The following DSCAM variants were observed in gnomAD, a reference collection of about 807,000 sequenced individuals.
The protein encoded by DSCAM is cell adhesion molecule DSCAM.
Under a neutral mutation model 217.7 loss-of-function variants are expected in DSCAM, and 47 were observed. That is an observed-to-expected ratio of 0.22 (90% CI 0.17 to 0.28). The LOEUF (loss-of-function observed/expected upper bound fraction) is 0.28. DSCAM is among the 10% of genes least tolerant of loss of function. The pLI is 1.00. For missense variants in DSCAM, 2,080 were observed against 2,618.3 expected (o/e 0.79, Z 4.49); for synonymous variants, 1,056 against 1,015.3 (o/e 1.04, Z -0.76).
intron 11 of DSCAM, among the ~76,000 whole-genome samples, chr21:40,245,523 C>T (rs1412806662): frequency 6.6e-6 from 1 of 152,164 alleles, no homozygotes; most frequent in Non-Finnish European, 1.5e-5. Flanking sequence ...TGCACCTCTC[C>T]CTGAAGGGAG....
Position 40,533,748 on chromosome 21 carries a change from C to CCCAT in DSCAM, c.508+159058_508+159061dup, listed in dbSNP as rs567984448. Among the ~76,000 whole-genome samples the CCCAT allele has an allele frequency of 4.5e-3, 529 of 116,376 alleles. 3 individuals are homozygous for CCCAT. Among genetic ancestry groups the CCCAT allele is most frequent in the African/African-American group, 0.015 (483 of 31,546 alleles). 76.3% of individuals were successfully genotyped at this position (116,376 alleles called of 152,430 possible). A position where few individuals can be genotyped will look rare whatever the true frequency, so the allele number is the denominator to read the frequency against. Reference sequence around the variant, plus strand: ...ACCCACCCATCTATCCATCCATCCACCCATCCATCCATCCATCCATCCTTC... The same window carrying CCCAT: ...ACCCACCCATCTATCCATCCATCCACCCATCCATCCATCCATCCATCCATCCTTC... On this transcript the variant is annotated intron_variant, in intron 3 of 32. Coordinates refer to ENST00000400454, the MANE Select transcript of DSCAM (RefSeq NM_001389.5).
At chr21:40,759,967 AT>A (rs2091314476) in intron 1 of DSCAM, among the ~76,000 whole-genome samples, 1 of 13,438 alleles carries the variant, frequency 7.4e-5, no homozygotes, top group Non-Finnish European at 1.3e-4. Context: ...ACATTTATTT[AT>A]TTATTTATTT....
At chr21:40,414,418 A>C (rs1335848899) in intron 3 of DSCAM, among the ~76,000 whole-genome samples, 1 of 152,216 alleles carries the variant, frequency 6.6e-6, no homozygotes, top group African/African-American at 2.4e-5. Flanking sequence ...GTAAAGTAAA[A>C]CCACAATGAG....
chr21:40,545,968 C>A (rs906924730), intron 3 of DSCAM, among the ~76,000 whole-genome samples: 1 of 152,158 alleles, frequency 6.6e-6, no homozygotes, highest in Non-Finnish European at 1.5e-5. Flanking sequence ...CCTTGGCGAG[C>A]CTTTGTTCCC....
intron 32 of DSCAM, among the ~76,000 whole-genome samples, chr21:40,040,133 C>G (rs2088717453): frequency 6.6e-6 from 1 of 152,166 alleles, no homozygotes; most frequent in Non-Finnish European, 1.5e-5. Flanking sequence ...TAAAGCATAT[C>G]AGATGTTCAG....
chr21:40,258,375 T>C (rs1188697315), intron 11 of DSCAM, among the ~76,000 whole-genome samples: 1 of 152,198 alleles, frequency 6.6e-6, no homozygotes, highest in Non-Finnish European at 1.5e-5. Flanking sequence ...CCAAGCTGAA[T>C]GTCCAACTAA....
At chr21:40,262,033 C>A (rs986494136) in intron 11 of DSCAM, among the ~76,000 whole-genome samples, 12 of 152,196 alleles carry the variant, frequency 7.9e-5, no homozygotes, top group Admixed American at 5.9e-4. Context: ...TTCCCTCCCT[C>A]CCTCTCTCTC....
At chr21:40,554,196 GTTTT>G (rs113016250) in intron 3 of DSCAM, among the ~76,000 whole-genome samples, 8 of 132,596 alleles carry the variant, frequency 6.0e-5, no homozygotes, top group South Asian at 2.5e-4. Flanking sequence ...TTGATTGTTA[GTTTT>G]TTTTTTTTTT....
At chr21:40,239,372 T>C (rs2073118427) in intron 11 of DSCAM, among the ~76,000 whole-genome samples, 1 of 152,142 alleles carries the variant, frequency 6.6e-6, no homozygotes, top group African/African-American at 2.4e-5. Flanking sequence ...GATAGAGAAG[T>C]AGGCCTGTTT....
At chr21:40,574,678 C>G (rs9977467) in intron 3 of DSCAM, among the ~76,000 whole-genome samples, 77,641 of 150,284 alleles carry the variant, frequency 0.52, 20,892 homozygotes, top group East Asian at 0.6. Context: ...CAAACAATGT[C>G]AAAAAAGAGA....
chr21:40,781,301 T>G (rs1357367756), intron 1 of DSCAM, among the ~76,000 whole-genome samples: 3 of 152,212 alleles, frequency 2.0e-5, no homozygotes, highest in Non-Finnish European at 4.4e-5. Context: ...ATTACAAGCA[T>G]GAGCCACCGT....
intron 21 of DSCAM, among the ~76,000 whole-genome samples, chr21:40,089,956 T>C (rs2089584775): frequency 6.6e-6 from 1 of 152,194 alleles, no homozygotes; most frequent in African/African-American, 2.4e-5. Context: ...CAGCACTCCC[T>C]GCTGGTCTTA....
At chr21:40,391,152 C>T (rs1019732945) in intron 3 of DSCAM, among the ~76,000 whole-genome samples, 3 of 152,300 alleles carry the variant, frequency 2.0e-5, no homozygotes, top group Admixed American at 6.5e-5. Flanking sequence ...CCAGCAAATG[C>T]TGCAATATAA....
chr21:40,356,230 T>G (rs998139769), intron 4 of DSCAM, among the ~76,000 whole-genome samples: 10 of 152,184 alleles, frequency 6.6e-5, no homozygotes, highest in Admixed American at 6.5e-4. Context: ...AGGTTTACTA[T>G]GCAGCACAGT....
chr21:40,184,216 C>G (rs942271899), intron 14 of DSCAM, among the ~76,000 whole-genome samples: 3 of 152,210 alleles, frequency 2.0e-5, no homozygotes, highest in Admixed American at 6.5e-5. Flanking sequence ...ACTACACTCA[C>G]TTAAATTATG....
intron 16 of DSCAM, among the ~76,000 whole-genome samples, chr21:40,159,025 C>G (rs2090509535): frequency 6.6e-6 from 1 of 152,122 alleles, no homozygotes; most frequent in Admixed American, 6.6e-5. Context: ...TTGTGTTTTT[C>G]TGTCTTGCTT....
chr21:40,567,008 T>C (rs2076770054), intron 3 of DSCAM, among the ~76,000 whole-genome samples: 1 of 151,816 alleles, frequency 6.6e-6, no homozygotes, highest in Non-Finnish European at 1.5e-5. Context: ...AGAAGGGGTG[T>C]AGGCAACAGA....
intron 3 of DSCAM, among the ~76,000 whole-genome samples, chr21:40,657,309 G>A (rs2090087146): frequency 6.6e-6 from 1 of 152,138 alleles, no homozygotes; most frequent in South Asian, 2.1e-4. Context: ...TTACTTTTGA[G>A]CTGACACAAG....
chr21:40,472,437 A>T (rs1003006355), intron 3 of DSCAM, among the ~76,000 whole-genome samples: 9 of 152,244 alleles, frequency 5.9e-5, no homozygotes, highest in Non-Finnish European at 1.3e-4. Context: ...ATCATATTTT[A>T]ATCTATCATA....
Sources: gnomAD v4.1 joint callset for allele counts (sites outside exome capture counted in the v4.1 genomes callset) on GRCh38, gnomAD v4.1.1 for gene constraint, MANE v1.5 for transcripts, NCBI Gene and HGNC (gene_info 2026-07-23, HGNC 2026-07-21) for gene names.